MYO9B: variants seen among roughly 807,000 people sequenced by gnomAD.
The protein encoded by MYO9B is myosin IXB.
Under a neutral mutation model 229.5 loss-of-function variants are expected in MYO9B, and 71 were observed. The observed-to-expected ratio is 0.31, with a 90% CI of 0.26 to 0.38. The LOEUF (loss-of-function observed/expected upper bound fraction) is 0.38, where lower values mean the gene tolerates loss of function less well. MYO9B is among the 10% of genes least tolerant of loss of function. The probability of loss-of-function intolerance (pLI) is 1.00; values close to 1 mark genes in which losing one functional copy is unlikely to be tolerated. For missense variants in MYO9B, 2,255 were observed against 2,920.5 expected (o/e 0.77, Z 5.25); for synonymous variants, 1,185 against 1,235.8 (o/e 0.96, Z 0.86).
chr19:17,206,983 A>G, intron 34 of MYO9B, 130 bp from the exon 35 acceptor site: 2 of 1,382,310 alleles, frequency 1.4e-6, no homozygotes, highest in Non-Finnish European at 2.0e-6. Context: ...CTGCGGAAGC[A>G]TCTCCCAGTG....
At chr19:17,123,424 TTGTGTGTGTGTGTGTGTG>T (rs3222984) in intron 2 of MYO9B, among the ~76,000 whole-genome samples, 3 of 146,824 alleles carry the variant, frequency 2.0e-5, no homozygotes, top group African/African-American at 7.6e-5. Context: ...CAGTAGAAAT[TTGTGTGTGTGTGTGTGTG>T]TGTGTGTGTG....
rs1237254272 is a variant in MYO9B, at chr19:17,188,060, C to T, written c.2688+15C>T. Reference sequence around the variant, plus strand: ...ACACGTTCCAGGTAGGCCACAAGCACATATACCTGGACACACCTGTTCCGT... The same window carrying T: ...ACACGTTCCAGGTAGGCCACAAGCATATATACCTGGACACACCTGTTCCGT... On this transcript the variant is annotated intron_variant, in intron 19 of 39. Transcript: ENST00000682292. The T allele has an allele frequency of 3.8e-6, 6 of 1,562,294 alleles. No homozygotes were observed. In the East Asian group the frequency reaches 1.4e-4, roughly 37 times the overall value.
chr19:17,185,288 G>A (rs1413276319), intron 17 of MYO9B, among the ~76,000 whole-genome samples: 1 of 151,282 alleles, frequency 6.6e-6, no homozygotes, highest in East Asian at 1.9e-4. Context: ...GCAAGAGAAT[G>A]GCATGAACCC....
chr19:17,194,664 A>C lies in MYO9B; in HGVS notation c.3237A>C (p.Gly1079=), dbSNP rs1224235026. The change falls in exon 22 of 40, where the codon GGA becomes GGC. Residue 1079 remains glycine, a synonymous_variant. Coordinates refer to ENST00000682292, the MANE Select transcript of MYO9B (RefSeq NM_004145.4). The part of the protein sequence containing the change: ...AEEGGQGQAA[G]GQQVAEQGPE... ...AGGGCGGACAGGGTCAGGCGGCTGG[A>C]GGGCAGCAGGTAGCTGAGCAGGGGC... The C allele has an allele frequency of 3.7e-6, 6 of 1,612,690 alleles. No homozygotes were observed. Among genetic ancestry groups the C allele is most frequent in the Admixed American group, 1.7e-5 (1 of 59,968 alleles).
intron 1 of MYO9B, among the ~76,000 whole-genome samples, chr19:17,076,688 GA>G (rs1004154859): frequency 5.9e-5 from 9 of 152,182 alleles, no homozygotes; most frequent in African/African-American, 1.9e-4. Context: ...CCTCGTCTTG[GA>G]AACTTCACCA....
At chr19:17,140,501 T>C (rs1281147599) in intron 2 of MYO9B, among the ~76,000 whole-genome samples, 4 of 151,892 alleles carry the variant, frequency 2.6e-5, no homozygotes, top group Non-Finnish European at 5.9e-5. Flanking sequence ...TTTCTTTTTT[T>C]TTTTTGAGAT....
Position 17,200,452 on chromosome 19 carries a change from A to C in MYO9B, c.4372+26A>C, listed in dbSNP as rs1489618606. 1.9e-6 allele frequency: 3 copies of C among 1,551,922 alleles called. No individual in the cohort carries two copies. In the African/African-American group the frequency reaches 4.1e-5, roughly 21 times the overall value. The stretch of plus-strand genomic sequence containing the variant: ...GTTGGTAGCCTGCAGCCTCAGGGAC[A>C]GACAGTAGAGCCACCAGTGCCCCTG... On this transcript the variant is annotated intron_variant, in intron 25 of 39. Coordinates refer to ENST00000682292, the MANE Select transcript of MYO9B (RefSeq NM_004145.4).
chr19:17,143,719 G>A (rs1221534645), intron 2 of MYO9B, among the ~76,000 whole-genome samples: 1 of 152,026 alleles, frequency 6.6e-6, no homozygotes, highest in African/African-American at 2.4e-5. Context: ...TCAAGAGATC[G>A]AGACCATCCT....
In MYO9B at chr19:17,101,750, C is replaced by T. The variant is rs1244897417; in HGVS notation, c.33C>T (p.Arg11=). 1 of 1,593,076 alleles carries T rather than the reference C, an allele frequency of 6.3e-7. No homozygotes were observed. The highest frequency in any genetic ancestry group is 8.5e-7 in the Non-Finnish European group (1 of 1,175,186). Residue 11 remains arginine, a synonymous_variant, in exon 2 of 40, where the codon CGC becomes CGT. Transcript: ENST00000682292. The surrounding 1 kb of genome is among the most constrained non-coding windows in gnomAD (Gnocchi z 4.7). ...TGAAAGAGGCAGGCAGCTCGGGCCG[C>T]CGGGAGCAGGCGGCCTACCACCTGC... is the stretch of plus-strand genomic sequence containing the variant. MSVKEAGSSG[R]REQAAYHLHI...
rs762662289 is a variant in MYO9B, at chr19:17,206,732, C to G, written c.5440C>G (p.Leu1814Val). The change falls in exon 34 of 40, where the codon CTT becomes GTT. Residue 1814 changes from leucine (L) to valine (V), a missense_variant. Leu to Val is a conservative substitution (Grantham distance 32). Transcript: ENST00000682292. ...LAAIYAVLEH[L>V]PEANHNSLER... ...TGCCATCTATGCCGTCCTGGAGCAC[C>G]TTCCAGAAGCCAACCACAACTCCCT... 2.4e-5 allele frequency: 38 copies of G among 1,591,628 alleles called. No individual in the cohort carries two copies. In the South Asian group the frequency reaches 4.3e-4, roughly 18 times the overall value.
chr19:17,111,648 C>T (rs886078689), intron 2 of MYO9B, among the ~76,000 whole-genome samples: 2 of 152,118 alleles, frequency 1.3e-5, no homozygotes, highest in Non-Finnish European at 2.9e-5. Flanking sequence ...GTCTCCAACT[C>T]CTGGCCTCAG....
In MYO9B at chr19:17,198,258, A is replaced by G; in HGVS notation, c.4188A>G (p.Ala1396=). Residue 1396 remains alanine, a synonymous_variant, in exon 24 of 40, where the codon GCA becomes GCG. Transcript: ENST00000682292. Reference sequence around the variant, plus strand: ...TCCAGAAGAAGAAGCCAGGCGACGCATCCTCCCTCCCAGACGCAGGGCTGT... The same window carrying G: ...TCCAGAAGAAGAAGCCAGGCGACGCGTCCTCCCTCCCAGACGCAGGGCTGT... The part of the protein sequence containing the change: ...PAVQKKKPGD[A]SSLPDAGLSP... 1 of 1,613,918 alleles carries G rather than the reference A, an allele frequency of 6.2e-7. No individual in the cohort carries two copies. Among genetic ancestry groups the G allele is most frequent in the Non-Finnish European group, 8.5e-7 (1 of 1,179,886 alleles).
intron 3 of MYO9B, 173 bp from the exon 4 acceptor site, chr19:17,152,470 AG>A: frequency 2.0e-6 from 1 of 509,684 alleles, no homozygotes; most frequent in Middle Eastern, 5.8e-4. Context: ...GGCCGAGGCA[AG>A]AGAATCGCTT....
At chr19:17,088,371 CA>C (rs2057603762) in intron 1 of MYO9B, among the ~76,000 whole-genome samples, 1 of 152,232 alleles carries the variant, frequency 6.6e-6, no homozygotes, top group African/African-American at 2.4e-5. Flanking sequence ...TATTTCCAAA[CA>C]AGGTCACATT....
intron 10 of MYO9B, among the ~76,000 whole-genome samples, chr19:17,164,947 C>G (rs2145327111): frequency 6.6e-6 from 1 of 152,256 alleles, no homozygotes; most frequent in South Asian, 2.1e-4. Context: ...TTACTGCAGC[C>G]TCAAACGCTG....
intron 14 of MYO9B, among the ~76,000 whole-genome samples, 185 bp downstream of exon 14, chr19:17,175,926 G>A (rs1021884697): frequency 8.0e-5 from 12 of 149,708 alleles, no homozygotes; most frequent in South Asian, 6.5e-4. Context: ...TCCACCTCCC[G>A]GGTTCAAGCG....
At chr19:17,149,405 C>G (rs2072452703) in intron 3 of MYO9B, among the ~76,000 whole-genome samples, 1 of 152,182 alleles carries the variant, frequency 6.6e-6, no homozygotes, top group African/African-American at 2.4e-5. Flanking sequence ...GCCTCCCCGA[C>G]CTTCCCCAGG....
At chr19:17,102,634 C>G in intron 2 of MYO9B, 77 bp downstream of exon 2, 1 of 1,460,460 alleles carries the variant, frequency 6.8e-7, no homozygotes, top group Non-Finnish European at 9.0e-7. Context: ...AGCTCGGTGG[C>G]CCACATCTAT....
At chr19:17,098,967 C>T (rs1390798861) in intron 1 of MYO9B, among the ~76,000 whole-genome samples, 1 of 104,498 alleles carries the variant, frequency 9.6e-6, no homozygotes, top group African/African-American at 3.6e-5. Context: ...ACTGGGCGAC[C>T]CTCTCTCTTA....
Sources: gnomAD v4.1 joint callset for allele counts (sites outside exome capture counted in the v4.1 genomes callset) on GRCh38, gnomAD v4.1.1 for gene constraint, Gnocchi (gnomAD v3.1) non-coding constraint, MANE v1.5 for transcripts, NCBI Gene and HGNC (gene_info 2026-07-23, HGNC 2026-07-21) for gene names.